The following TENM2 variants were observed in gnomAD, a reference collection of about 807,000 sequenced individuals.
TENM2 encodes the protein teneurin transmembrane protein 2, also known as teneurin-2.
Under a neutral mutation model 245.2 loss-of-function variants are expected in TENM2, and 52 were observed. The observed-to-expected ratio is 0.21, with a 90% CI of 0.17 to 0.27. The LOEUF is 0.27. Ranked by LOEUF, TENM2 falls within the 10% of genes least tolerant of loss-of-function variation. TENM2 has a pLI of 1.00. For missense variants in TENM2, 3,046 were observed against 3,666.8 expected, an observed-to-expected ratio of 0.83 and a Z score of 4.37; for synonymous variants, 1,363 against 1,438.9, an observed-to-expected ratio of 0.95 and a Z score of 1.19.
At chr5:167,878,104 T>C (rs1773580825) in intron 3 of TENM2, among the ~76,000 whole-genome samples, 1 of 152,214 alleles carries the variant, frequency 6.6e-6, no homozygotes, top group Non-Finnish European at 1.5e-5. Context: ...CTTGAGGCCA[T>C]CTGGAATGTT....
At chr5:167,155,345 T>C in the TENM2 span, among the ~76,000 whole-genome samples, 3 of 152,342 alleles carry the variant, frequency 2.0e-5, no homozygotes, top group East Asian at 5.8e-4. Flanking sequence ...AAAAATTCTA[T>C]GGTCAAATAA....
chr5:167,837,358 A>G (rs1219290322), intron 2 of TENM2, among the ~76,000 whole-genome samples: 1 of 152,144 alleles, frequency 6.6e-6, no homozygotes, highest in Non-Finnish European at 1.5e-5. Context: ...ATTCAGGAGT[A>G]TGAACCTACT....
chr5:167,098,971 T>C, the TENM2 span, among the ~76,000 whole-genome samples: 1 of 152,198 alleles, frequency 6.6e-6, no homozygotes, highest in Non-Finnish European at 1.5e-5. Context: ...ATGGAATCTG[T>C]ATTGTAACAA....
intron 2 of TENM2, among the ~76,000 whole-genome samples, chr5:167,738,178 C>T (rs1024202962): frequency 3.9e-5 from 6 of 152,326 alleles, no homozygotes; most frequent in South Asian, 2.1e-4. Flanking sequence ...GGATGCTGTG[C>T]GTGACTGCTT....
At chr5:167,253,621 G>A in the TENM2 span, among the ~76,000 whole-genome samples, 2 of 152,066 alleles carry the variant, frequency 1.3e-5, no homozygotes, top group Non-Finnish European at 2.9e-5. Flanking sequence ...AATGTAGAAT[G>A]AATTTTCATA....
At chr5:167,550,698 TA>T (rs1772874516) in intron 2 of TENM2, among the ~76,000 whole-genome samples, 2 of 102,420 alleles carry the variant, frequency 2.0e-5, no homozygotes, top group Non-Finnish European at 4.0e-5. Context: ...TTGTTGTTGT[TA>T]GTGTGTGTGT....
At chr5:167,818,426 T>C (rs978527495) in intron 2 of TENM2, among the ~76,000 whole-genome samples, 6 of 152,218 alleles carry the variant, frequency 3.9e-5, no homozygotes, top group African/African-American at 9.6e-5. Flanking sequence ...TTATAATAGC[T>C]GAGGGTTGTT....
intron 2 of TENM2, among the ~76,000 whole-genome samples, chr5:167,434,000 T>G (rs1268566007): frequency 6.6e-6 from 1 of 152,148 alleles, no homozygotes; most frequent in Non-Finnish European, 1.5e-5. Flanking sequence ...TCCTTTAGCT[T>G]CTACAAAAAA....
chr5:167,326,705 AT>A (rs1321808986), intron 1 of TENM2, among the ~76,000 whole-genome samples: 117 of 46,784 alleles, frequency 2.5e-3, no homozygotes, highest in African/African-American at 3.5e-3. Context: ...ATAAATAAAT[AT>A]ATATATATAT....
At chr5:167,784,732 TC>T (rs1307159368) in intron 2 of TENM2, among the ~76,000 whole-genome samples, 1 of 152,084 alleles carries the variant, frequency 6.6e-6, no homozygotes, top group Non-Finnish European at 1.5e-5. Flanking sequence ...ATTCTTTTGT[TC>T]CAAAAAGAGG....
At chr5:168,262,296 A>G in exon 29 of TENM2, 1 of 1,610,164 alleles carries the variant, frequency 6.2e-7, no homozygotes, top group South Asian at 1.1e-5. Context: ...AACAACGCCT[A>G]CTACCTGGAC....
intron 2 of TENM2, among the ~76,000 whole-genome samples, chr5:167,716,180 A>G (rs989338901): frequency 6.6e-6 from 1 of 152,218 alleles, no homozygotes; most frequent in Non-Finnish European, 1.5e-5. Context: ...TAGTGGAAAC[A>G]GTAACTCCTG....
In TENM2 at chr5:167,739,799, G is replaced by A. The variant is rs139047142; in HGVS notation, c.503-136187G>A. Among the ~76,000 whole-genome samples, 604 of 152,180 alleles carry A rather than the reference G, an allele frequency of 4.0e-3. 6 individuals carry two copies. Among genetic ancestry groups the A allele is most frequent in the Non-Finnish European group, 5.6e-3 (379 of 68,014 alleles). On this transcript the variant is annotated intron_variant, in intron 2 of 28. Coordinates refer to ENST00000518659, the Ensembl canonical transcript of TENM2. ...CCACTGATGTTTCCCATTCTTCCCC[G>A]TTTGGAGTGCAGAGTTGAGACATTA... is the stretch of plus-strand genomic sequence containing the variant.
exon 29 of TENM2, chr5:168,262,711 C>T (rs373369615): frequency 4.8e-5 from 78 of 1,611,016 alleles, no homozygotes; most frequent in Middle Eastern, 1.6e-4. Context: ...TGCAAGGGTA[C>T]GAGGGATATT....
chr5:167,093,446 A>G, the TENM2 span, among the ~76,000 whole-genome samples: 2 of 152,172 alleles, frequency 1.3e-5, no homozygotes, highest in Non-Finnish European at 2.9e-5. Flanking sequence ...TTCTAGAATC[A>G]TTAGGCAGCC....
the TENM2 span, among the ~76,000 whole-genome samples, chr5:167,025,364 G>T: frequency 1.3e-5 from 2 of 151,802 alleles, no homozygotes; most frequent in African/African-American, 2.4e-5. Flanking sequence ...ATATACATTT[G>T]GAGTGTACAA....
At chr5:168,072,148 C>T (rs1479638090) in intron 7 of TENM2, among the ~76,000 whole-genome samples, 1 of 152,172 alleles carries the variant, frequency 6.6e-6, no homozygotes, top group East Asian at 1.9e-4. Flanking sequence ...CCAAATGTGA[C>T]ATTTGATAAA....
At chr5:167,672,129 C>A (rs898419936) in intron 2 of TENM2, among the ~76,000 whole-genome samples, 3 of 151,860 alleles carry the variant, frequency 2.0e-5, no homozygotes, top group Admixed American at 6.6e-5. Flanking sequence ...TTAGAGCAGA[C>A]CATTCAAAAC....
the TENM2 span, among the ~76,000 whole-genome samples, chr5:167,172,309 G>A: frequency 4.9e-4 from 75 of 152,258 alleles, no homozygotes; most frequent in South Asian, 0.013. Context: ...CCAGAAATCC[G>A]TGTGATCTAT....
Sources: gnomAD v4.1 joint callset for allele counts (sites outside exome capture counted in the v4.1 genomes callset) on GRCh38, gnomAD v4.1.1 for gene constraint, MANE v1.5 for transcripts, NCBI Gene and HGNC (gene_info 2026-07-23, HGNC 2026-07-21) for gene names.